The following JARID2 variants were observed in gnomAD, a reference collection of about 807,000 sequenced individuals.
The protein encoded by JARID2 is jumonji and AT-rich interaction domain containing 2, also known as protein Jumonji.
In JARID2, 21 loss-of-function variants were observed where a neutral mutation model predicts 125.6. The ratio of observed to expected loss-of-function variants is 0.17; its 90% confidence interval spans 0.12 to 0.24. The LOEUF is 0.24. JARID2 is among the 10% of genes least tolerant of loss of function. The pLI is 1.00. For missense variants in JARID2, 1,303 were observed against 1,639.6 expected (o/e 0.79, Z 3.55); for synonymous variants, 736 against 661.6 (o/e 1.11, Z -1.73).
chr6:15,329,117 A>C (rs996827686), intron 1 of JARID2, among the ~76,000 whole-genome samples: 3 of 152,236 alleles, frequency 2.0e-5, no homozygotes, highest in Non-Finnish European at 4.4e-5. Context: ...TAGGAACCCA[A>C]AGAAATAATC....
chr6:15,414,798 T>C (rs1170321102), intron 3 of JARID2, among the ~76,000 whole-genome samples: 5 of 152,208 alleles, frequency 3.3e-5, no homozygotes, highest in African/African-American at 4.8e-5. Flanking sequence ...ACATAGTTTA[T>C]AACATATATT....
At chr6:15,437,521 T>A (rs1285923898) in intron 3 of JARID2, among the ~76,000 whole-genome samples, 3 of 152,164 alleles carry the variant, frequency 2.0e-5, no homozygotes, top group Non-Finnish European at 4.4e-5. Context: ...CTTTTAAAGT[T>A]GTATGACATA....
In JARID2 at chr6:15,415,569, G is replaced by GGCAGAGGCGCCCCTC. The variant is rs1766123757; in HGVS notation, c.323+5204_323+5205insGCAGAGGCGCCCCTC. Among the ~76,000 whole-genome samples, 455 of 147,390 alleles carry GGCAGAGGCGCCCCTC rather than the reference G, an allele frequency of 3.1e-3. 2 individuals carry two copies. Among genetic ancestry groups the GGCAGAGGCGCCCCTC allele is most frequent in the African/African-American group, 0.011 (430 of 38,604 alleles). ...GGGCAGAGGCGCCCCTCACCTCCCG[G>GGCAGAGGCGCCCCTC]ACGGGGCTGCTGGCCGGGCGGGGGG... On this transcript the variant is annotated intron_variant, in intron 3 of 17. Coordinates refer to ENST00000341776, the MANE Select transcript of JARID2 (RefSeq NM_004973.4).
intron 3 of JARID2, among the ~76,000 whole-genome samples, chr6:15,442,594 C>T (rs1767493783): frequency 6.6e-6 from 1 of 152,126 alleles, no homozygotes. Flanking sequence ...GAGTTGTATC[C>T]CTCATAACAA....
At chr6:15,407,292 C>A (rs1232969331) in intron 2 of JARID2, among the ~76,000 whole-genome samples, 1 of 151,982 alleles carries the variant, frequency 6.6e-6, no homozygotes, top group Non-Finnish European at 1.5e-5. Context: ...AAACAAGTCC[C>A]CAGAGCAGCC....
intron 1 of JARID2, among the ~76,000 whole-genome samples, chr6:15,276,750 G>T (rs1265791225): frequency 6.6e-6 from 1 of 152,198 alleles, no homozygotes; most frequent in Admixed American, 6.5e-5. Flanking sequence ...AGGGGGTCCT[G>T]TTGGCCTGGT....
chr6:15,402,544 C>G (rs1163072502), intron 2 of JARID2, among the ~76,000 whole-genome samples: 1 of 152,140 alleles, frequency 6.6e-6, no homozygotes, highest in African/African-American at 2.4e-5. Flanking sequence ...GCCCATTTAT[C>G]TGTCTTAGAA....
chr6:15,433,224 G>A (rs1047120095), intron 3 of JARID2, among the ~76,000 whole-genome samples: 5 of 152,200 alleles, frequency 3.3e-5, no homozygotes, highest in Admixed American at 6.5e-5. Context: ...TTAGGGCCAG[G>A]TAGCCCCATT....
At chr6:15,299,561 T>C (rs571603757) in intron 1 of JARID2, among the ~76,000 whole-genome samples, 1 of 152,344 alleles carries the variant, frequency 6.6e-6, no homozygotes, top group South Asian at 2.1e-4. Context: ...GGAACCTCAG[T>C]TGGCCTGCGT....
At chr6:15,279,414 A>T (rs970905756) in intron 1 of JARID2, among the ~76,000 whole-genome samples, 23 of 152,156 alleles carry the variant, frequency 1.5e-4, no homozygotes, top group Admixed American at 7.2e-4. Context: ...CTGACTTTTC[A>T]TATGTGTATG....
At chr6:15,369,296 A>G (rs1260976307) in intron 1 of JARID2, 1 of 459,046 alleles carries the variant, frequency 2.2e-6, no homozygotes, top group Non-Finnish European at 4.5e-6. Context: ...GTTTTTTACT[A>G]ATTTTAGTAA....
At chr6:15,307,499 G>A (rs967800126) in intron 1 of JARID2, among the ~76,000 whole-genome samples, 32 of 152,108 alleles carry the variant, frequency 2.1e-4, no homozygotes, top group African/African-American at 6.5e-4. Flanking sequence ...GATTACAGGC[G>A]TGATCCCAGT....
intron 1 of JARID2, among the ~76,000 whole-genome samples, chr6:15,329,049 T>C (rs1427529891): frequency 8.5e-5 from 13 of 152,220 alleles, no homozygotes. Flanking sequence ...CATGAGCATC[T>C]GTACACCTAT....
intron 3 of JARID2, among the ~76,000 whole-genome samples, chr6:15,419,882 A>T (rs980760279): frequency 1.3e-5 from 2 of 152,180 alleles, no homozygotes; most frequent in African/African-American, 4.8e-5. Flanking sequence ...TGAGTGTATT[A>T]GGTTTGTAGA....
intron 1 of JARID2, among the ~76,000 whole-genome samples, chr6:15,347,002 G>A (rs1033650772): frequency 4.6e-5 from 7 of 152,028 alleles, no homozygotes; most frequent in South Asian, 2.1e-4. Flanking sequence ...CCAAAGTGCC[G>A]GGATTACAGG....
At chr6:15,346,378 A>G (rs561223293) in intron 1 of JARID2, among the ~76,000 whole-genome samples, 49 of 152,308 alleles carry the variant, frequency 3.2e-4, no homozygotes, top group African/African-American at 1.1e-3. Flanking sequence ...ATTGTCATAT[A>G]TAGTGGAAGT....
At chr6:15,306,878 T>C (rs955012605) in intron 1 of JARID2, among the ~76,000 whole-genome samples, 2 of 148,368 alleles carry the variant, frequency 1.3e-5, no homozygotes, top group African/African-American at 4.9e-5. Context: ...TTAATATATA[T>C]ATTTTATATT....
At chr6:15,334,331 G>A (rs975096964) in intron 1 of JARID2, among the ~76,000 whole-genome samples, 5 of 151,966 alleles carry the variant, frequency 3.3e-5, no homozygotes, top group African/African-American at 1.2e-4. Context: ...AGGAACATGA[G>A]CCCTAGAGTT....
chr6:15,303,051 T>C (rs1184108937), intron 1 of JARID2, among the ~76,000 whole-genome samples: 2 of 152,148 alleles, frequency 1.3e-5, no homozygotes, highest in East Asian at 3.8e-4. Context: ...AAGTGAGCAA[T>C]GGTTATTAAG....
Sources: allele counts gnomAD v4.1 joint callset (sites outside exome capture counted in the v4.1 genomes callset), GRCh38; gene constraint gnomAD v4.1.1; transcripts MANE v1.5; gene names NCBI Gene and HGNC (gene_info 2026-07-23, HGNC 2026-07-21).